Variants in CYP4V2 observed in about 807,000 individuals in gnomAD.
CYP4V2 encodes cytochrome P450 4V2.
CYP4V2 carries 55 observed loss-of-function variants against 60.8 expected under a neutral mutation model. The observed-to-expected ratio is 0.90, with a 90% CI of 0.73 to 1.13. The LOEUF (loss-of-function observed/expected upper bound fraction) is 1.13, where lower values mean the gene tolerates loss of function less well. Among genes scored for constraint, CYP4V2 ranks in the 50% most tolerant of loss-of-function variants. The pLI, the probability that CYP4V2 is intolerant of heterozygous loss-of-function variation, is 0.00. For synonymous variants in CYP4V2, 239 were observed against 236.8 expected, an observed-to-expected ratio of 1.01 and a Z score of -0.08; for missense variants, 675 against 662.9, an observed-to-expected ratio of 1.02 and a Z score of -0.20.
At chr4:186,200,156 A>G (rs578141177) in intron 6 of CYP4V2, among the ~76,000 whole-genome samples, 3 of 152,340 alleles carry the variant, frequency 2.0e-5, no homozygotes, top group African/African-American at 7.2e-5. Flanking sequence ...TCATTGAATA[A>G]ACATTGAGAA....
intron 5 of CYP4V2, among the ~76,000 whole-genome samples, chr4:186,197,845 A>C (rs1000157035): frequency 1.3e-5 from 2 of 152,242 alleles, no homozygotes; most frequent in African/African-American, 4.8e-5. Flanking sequence ...TATTGTACAT[A>C]ATGATGCTTA....
intron 8 of CYP4V2, among the ~76,000 whole-genome samples, 193 bp downstream of exon 8, chr4:186,205,495 G>A (rs34662494): frequency 1.9e-3 from 295 of 152,330 alleles, no homozygotes; most frequent in African/African-American, 6.8e-3. Flanking sequence ...GTACTAGGCC[G>A]GATGCTGGGG....
rs1398610477 is a variant in CYP4V2 at position 186,195,918 on chromosome 4, G to C, written c.328-85G>C. 1 of 943,586 alleles carries C rather than the reference G, an allele frequency of 1.1e-6. No homozygotes were observed. The highest frequency in any genetic ancestry group is 1.9e-5 in the Admixed American group (1 of 53,528). 58.5% of individuals were successfully genotyped at this position (943,586 alleles called of 1,614,324 possible). ...AATGTTGTGAATGCCCTAAAAACTA[G>C]CTGTATTCTAGCCAGTATTCCTATA... On this transcript the variant is annotated intron_variant, in intron 2 of 10. Coordinates refer to ENST00000378802, the MANE Select transcript of CYP4V2 (RefSeq NM_207352.4). This position sits in a 1 kb window ranked among gnomAD's most constrained non-coding sequence, Gnocchi z 4.1.
Position 186,196,032 on chromosome 4 carries a change from C to T in CYP4V2, c.357C>T (p.Asp119=), listed in dbSNP as rs1344676011. The change falls in exon 3 of 11, where the codon GAC becomes GAT. Residue 119 remains aspartate, a synonymous_variant. Coordinates refer to ENST00000378802, the MANE Select transcript of CYP4V2 (RefSeq NM_207352.4). The part of the protein sequence containing the change: ...EVILTSSKQI[D]KSSMYKFLEP... The stretch of plus-strand genomic sequence containing the variant: ...TTTTAACTAGTTCAAAGCAAATTGA[C>T]AAATCCTCTATGTACAAGTTTTTAG... 1 of 1,614,022 alleles carries T rather than the reference C, an allele frequency of 6.2e-7. No individual in the cohort carries two copies. The highest frequency in any genetic ancestry group is 8.5e-7 in the Non-Finnish European group (1 of 1,179,928).
In CYP4V2 at chr4:186,209,162, A is replaced by C. The variant is rs1579976929; in HGVS notation, c.1295A>C (p.Tyr432Ser). The C allele has an allele frequency of 1.2e-6, 2 of 1,614,102 alleles. No homozygotes were observed. Among genetic ancestry groups the C allele is most frequent in the Non-Finnish European group, 1.7e-6 (2 of 1,180,002 alleles). The change falls in exon 10 of 11, where the codon TAC becomes TCC. Residue 432 changes from tyrosine (Y) to serine (S), a missense_variant. Tyr to Ser is a moderately radical substitution (Grantham distance 144, BLOSUM62 -2). Transcript: ENST00000378802. ...TATGCATTGCACAGAGATCCGAGAT[A>C]CTTCCCCAACCCCGAGGAGTTCCAG... ...IPYALHRDPRYFPNPEEFQPE... is the reference protein window; with the variant it reads ...IPYALHRDPRSFPNPEEFQPE...
chr4:186,209,782 G>C (rs562005971), intron 10 of CYP4V2, among the ~76,000 whole-genome samples: 1 of 152,132 alleles, frequency 6.6e-6, no homozygotes, highest in Non-Finnish European at 1.5e-5. Flanking sequence ...AAGGTATGGG[G>C]GGGGCTTAGA....
rs1199354495 is a variant in CYP4V2 at position 186,209,089 on chromosome 4, A to G, written c.1226-4A>G. ...CTCATAATGTATTGACTACTTCTTG[A>G]CAGCAGGTTACAGAGTTCTAAAAGG... On this transcript the variant is annotated splice_polypyrimidine_tract_variant and splice_region_variant and intron_variant, in intron 9 of 10. Coordinates refer to ENST00000378802, the MANE Select transcript of CYP4V2 (RefSeq NM_207352.4). 1.2e-6 allele frequency: 2 copies of G among 1,613,968 alleles called. No individual in the cohort carries two copies. The highest frequency in any genetic ancestry group is 1.7e-6 in the Non-Finnish European group (2 of 1,180,028).
chr4:186,200,228 G>T (rs1170964282), intron 6 of CYP4V2, among the ~76,000 whole-genome samples: 1 of 152,052 alleles, frequency 6.6e-6, no homozygotes, highest in Non-Finnish European at 1.5e-5. Context: ...ATGGTGTTTT[G>T]CCCTCAAATT....
At chr4:186,210,363 C>A (rs775583421) in intron 10 of CYP4V2, 106 bp from the exon 11 acceptor site, 1 of 1,442,210 alleles carries the variant, frequency 6.9e-7, no homozygotes, top group Non-Finnish European at 9.7e-7. Context: ...CTCCTTCCAC[C>A]TACTGCGAAA....
intron 6 of CYP4V2, among the ~76,000 whole-genome samples, chr4:186,200,186 C>G (rs1736265671): frequency 6.6e-6 from 1 of 152,008 alleles, no homozygotes; most frequent in East Asian, 1.9e-4. Context: ...GAGGCCTGGG[C>G]TCTAGGAATT....
rs119103284 is a variant in CYP4V2, at chr4:186,210,586, G to A, written c.1523G>A (p.Arg508His). The A allele has an allele frequency of 2.7e-5, 43 of 1,613,996 alleles. No individual in the cohort carries two copies. The highest frequency in any genetic ancestry group is 5.3e-5 in the African/African-American group (4 of 74,894). The change falls in exon 11 of 11, where the codon CGT becomes CAT. Residue 508 changes from arginine to histidine, a missense_variant. Physicochemically the swap from Arg to His is conservative, Grantham distance 29. Transcript: ENST00000378802. ...ELGLEGQLIL[R>H]PSNGIWIKLK... ...GGTCTAGAAGGACAGTTGATTCTTC[G>A]TCCAAGTAATGGCATCTGGATCAAG... is the stretch of plus-strand genomic sequence containing the variant.
At chr4:186,203,772 A>G (rs952987164) in intron 7 of CYP4V2, 2 of 152,220 alleles carry the variant, frequency 1.3e-5, no homozygotes, top group African/African-American at 4.8e-5. Flanking sequence ...GTGCTAGGAA[A>G]ATGCAGAGGC....
chr4:186,204,242 T>C lies in CYP4V2; in HGVS notation c.988-958T>C, dbSNP rs886346466. 9.3e-5 allele frequency: 15 copies of C among 161,782 alleles called. 1 individual carries two copies. In the South Asian group the frequency reaches 1.0e-3, roughly 11 times the overall value. The allele number at this position is 161,782 out of a possible 1,614,324, so 10.0% of individuals were successfully genotyped here. A position where few individuals can be genotyped will look rare whatever the true frequency, so the allele number is the denominator to read the frequency against. The stretch of plus-strand genomic sequence containing the variant: ...GGAGACGTTACGCTGGCGTAAGAGG[T>C]GGCGGTGGAGACGCTACGCTGGCGT... On this transcript the variant is annotated intron_variant, in intron 7 of 10. Coordinates refer to ENST00000378802, the MANE Select transcript of CYP4V2 (RefSeq NM_207352.4).
rs780201946 is a variant in CYP4V2, at chr4:186,194,608, T to G, written c.323T>G (p.Val108Gly). Residue 108 changes from valine (V) to glycine (G), a missense_variant, in exon 2 of 11, where the codon GTG (valine) becomes GGG (glycine). Physicochemically the swap from Val to Gly is moderately radical, Grantham distance 109. Transcript: ENST00000378802. ...PMVALYNAEN[V>G]EVILTSSKQI... ...GTGGCCCTTTATAATGCAGAAAATG[T>G]GGAGGTGGGTACATGTGAATATGAT... The G allele has an allele frequency of 5.0e-6, 8 of 1,612,620 alleles. No homozygotes were observed. The Admixed American group carries it at 1.0e-4, about 20-fold the overall frequency.
intron 6 of CYP4V2, among the ~76,000 whole-genome samples, chr4:186,199,547 A>G (rs1345810065): frequency 2.6e-5 from 4 of 152,194 alleles, no homozygotes; most frequent in Admixed American, 2.6e-4. Context: ...TGAGCTGTGA[A>G]CACTTATGAA....
intron 3 of CYP4V2, 77 bp from the exon 4 acceptor site, chr4:186,196,863 C>T (rs1736162392): frequency 1.0e-5 from 15 of 1,449,262 alleles, no homozygotes; most frequent in East Asian, 2.3e-5. Context: ...ATGCTTTAAT[C>T]GTTTTGGATG....
At chr4:186,207,579 ATT>A (rs1561437389) in intron 8 of CYP4V2, among the ~76,000 whole-genome samples, 4 of 123,342 alleles carry the variant, frequency 3.2e-5, no homozygotes, top group Non-Finnish European at 5.4e-5. Flanking sequence ...ATATTAAATA[ATT>A]AATAATTAAT....
At position 186,201,148 on chromosome 4, in the gene CYP4V2, ATCATACAGGTCATC is replaced by A. The variant is rs530014373; in HGVS notation, c.802-8_807del. On this transcript the variant is annotated splice_acceptor_variant and splice_polypyrimidine_tract_variant and coding_sequence_variant and intron_variant, in exon 7 of 11. Coordinates refer to ENST00000378802, the MANE Select transcript of CYP4V2 (RefSeq NM_207352.4). LOFTEE classifies it high-confidence loss of function. ...ACAGAAGCATGTGATTATCATTCAA[ATCATACAGGTCATC>A]GCTGAACGGGCCAATGAAATGAACG... 8.9e-5 allele frequency: 144 copies of A among 1,614,086 alleles called. No homozygotes were observed. In the East Asian group the frequency reaches 2.8e-3, roughly 32 times the overall value.
At chr4:186,209,817 A>T (rs1244281609) in intron 10 of CYP4V2, among the ~76,000 whole-genome samples, 2 of 152,240 alleles carry the variant, frequency 1.3e-5, no homozygotes, top group Non-Finnish European at 1.5e-5. Context: ...ACAATTACCC[A>T]TAACATAAAA....
Sources: gnomAD v4.1 joint callset for allele counts (sites outside exome capture counted in the v4.1 genomes callset) on GRCh38, gnomAD v4.1.1 for gene constraint, Gnocchi (gnomAD v3.1) non-coding constraint, MANE v1.5 for transcripts, NCBI Gene and HGNC (gene_info 2026-07-23, HGNC 2026-07-21) for gene names.